PHF21A: variants seen among roughly 807,000 people sequenced by gnomAD.
PHF21A encodes the protein PHD finger protein 21A.
Under a neutral mutation model 82.5 loss-of-function variants are expected in PHF21A, and 11 were observed. That is an observed-to-expected ratio of 0.13 (90% confidence interval 0.08 to 0.22). The LOEUF (loss-of-function observed/expected upper bound fraction) is 0.22, where lower values mean the gene tolerates loss of function less well. Ranked by LOEUF, PHF21A falls within the 10% of genes least tolerant of loss-of-function variation. The pLI is 1.00. For missense variants in PHF21A, 579 were observed against 837.8 expected (o/e 0.69, Z 3.81); for synonymous variants, 297 against 302.8 (o/e 0.98, Z 0.20).
intron 6 of PHF21A, among the ~76,000 whole-genome samples, chr11:46,034,168 C>T (rs1197297793): frequency 6.6e-6 from 1 of 152,088 alleles, no homozygotes; most frequent in East Asian, 1.9e-4. Flanking sequence ...TATTCTGTAA[C>T]ATATACTAGT....
chr11:45,930,905 G>GCCCCCCCCCCCC lies in PHF21A; in HGVS notation c.*3062_*3063insGGGGGGGGGGGG, dbSNP rs61505607. On this transcript the variant is annotated 3_prime_UTR_variant, in exon 19 of 19. Coordinates refer to ENST00000676320, the MANE Select transcript of PHF21A (RefSeq NM_001352027.3). ...GAGCGTATGTCTCAGGTGGTCACAGGCCCCCCCCCCTCCCCGCCCAGGTCT... is the reference window on the plus strand; with the variant it reads ...GAGCGTATGTCTCAGGTGGTCACAGGCCCCCCCCCCCCCCCCCCCCCCTCCCCGCCCAGGTCT... The GCCCCCCCCCCCC allele has an allele frequency of 2.2e-5, 3 of 135,588 alleles. No homozygotes were observed. Among genetic ancestry groups the GCCCCCCCCCCCC allele is most frequent in the Non-Finnish European group, 4.7e-5 (3 of 64,184 alleles). The allele number at this position is 135,588 out of a possible 1,614,324, so 8.4% of individuals were successfully genotyped here. A position where few individuals can be genotyped will look rare whatever the true frequency, so the allele number is the denominator to read the frequency against.
chr11:45,960,759 A>G (rs188917045), intron 10 of PHF21A, among the ~76,000 whole-genome samples: 72 of 152,374 alleles, frequency 4.7e-4, no homozygotes, highest in South Asian at 1.7e-3. Flanking sequence ...CGATGAATCT[A>G]AAGTTTGGTC....
At chr11:46,084,804 A>C (rs1592999491) in intron 3 of PHF21A, among the ~76,000 whole-genome samples, 4 of 151,724 alleles carry the variant, frequency 2.6e-5, no homozygotes, top group Middle Eastern at 3.4e-3. Context: ...CTCAGCCTCC[A>C]GAGTAGCTGG....
chr11:46,015,135 G>A (rs1329573049), intron 6 of PHF21A, among the ~76,000 whole-genome samples: 1 of 152,106 alleles, frequency 6.6e-6, no homozygotes, highest in Non-Finnish European at 1.5e-5. Context: ...TTGACTGCTT[G>A]TATGTCTCCC....
intron 6 of PHF21A, among the ~76,000 whole-genome samples, chr11:45,996,555 T>G (rs1371480162): frequency 2.0e-5 from 3 of 152,224 alleles, no homozygotes; most frequent in Admixed American, 2.0e-4. Context: ...TGCATTCTCC[T>G]GGAGTTTTTA....
At chr11:45,981,241 C>T (rs1328149852) in intron 6 of PHF21A, among the ~76,000 whole-genome samples, 1 of 151,716 alleles carries the variant, frequency 6.6e-6, no homozygotes, top group East Asian at 1.9e-4. Context: ...CAAAAATTAG[C>T]CAAGCATGGT....
intron 14 of PHF21A, among the ~76,000 whole-genome samples, chr11:45,946,903 A>AT (rs2091384668): frequency 6.6e-6 from 1 of 152,216 alleles, no homozygotes; most frequent in African/African-American, 2.4e-5. Flanking sequence ...ATTGAGAGGC[A>AT]TGTTCTGGGA....
chr11:46,056,258 A>G (rs2096455511), intron 6 of PHF21A, among the ~76,000 whole-genome samples: 1 of 152,158 alleles, frequency 6.6e-6, no homozygotes, highest in South Asian at 2.1e-4. Flanking sequence ...AAGAGAGTCA[A>G]TAATTCCAAT....
At position 45,930,483 on chromosome 11, in the gene PHF21A, T is replaced by C. The variant is rs759948570; in HGVS notation, c.*3485A>G. ...AGCAGGCTTACCCCAAAGGGCCTGA[T>C]AAGGAAGGAAGAAATCAAAACCCCA... On this transcript the variant is annotated 3_prime_UTR_variant, in exon 19 of 19. Transcript: ENST00000676320. The C allele has an allele frequency of 1.3e-5, 2 of 152,232 alleles. No homozygotes were observed. The highest frequency in any genetic ancestry group is 2.9e-5 in the Non-Finnish European group (2 of 68,160). 9.4% of individuals were successfully genotyped at this position (152,232 alleles called of 1,614,324 possible). A position where few individuals can be genotyped will look rare whatever the true frequency, so the allele number is the denominator to read the frequency against.
intron 6 of PHF21A, among the ~76,000 whole-genome samples, chr11:46,050,450 G>C (rs1475746675): frequency 6.6e-6 from 1 of 152,170 alleles, no homozygotes; most frequent in African/African-American, 2.4e-5. Context: ...GCCCATGCAG[G>C]GAGGCAAATT....
intron 7 of PHF21A, among the ~76,000 whole-genome samples, chr11:45,978,570 A>C (rs986116794): frequency 6.6e-6 from 1 of 152,218 alleles, no homozygotes; most frequent in Non-Finnish European, 1.5e-5. Context: ...CTCTATATAA[A>C]GACACAGTGA....
chr11:45,993,551 T>A (rs1246230332), intron 6 of PHF21A, among the ~76,000 whole-genome samples: 1 of 151,844 alleles, frequency 6.6e-6, no homozygotes, highest in Admixed American at 6.6e-5. Context: ...AACAAAAAGC[T>A]GGAGCTCATT....
chr11:45,960,560 T>C (rs2093010971), intron 10 of PHF21A, among the ~76,000 whole-genome samples: 1 of 152,230 alleles, frequency 6.6e-6, no homozygotes, highest in African/African-American at 2.4e-5. Flanking sequence ...AATTGCTTAA[T>C]GGATACTGGG....
intron 6 of PHF21A, among the ~76,000 whole-genome samples, chr11:46,050,917 C>A (rs965871210): frequency 6.6e-6 from 1 of 152,076 alleles, no homozygotes; most frequent in African/African-American, 2.4e-5. Flanking sequence ...AGTTAATCTG[C>A]TTGTATGCTA....
chr11:46,065,070 A>T lies in PHF21A; in HGVS notation c.153+11684T>A, dbSNP rs143319716. Among the ~76,000 whole-genome samples the T allele has an allele frequency of 5.7e-3, 865 of 152,338 alleles. 6 individuals carry two copies. Among genetic ancestry groups the T allele is most frequent in the Middle Eastern group, 0.031 (9 of 294 alleles). On this transcript the variant is annotated intron_variant, in intron 6 of 18. Coordinates refer to ENST00000676320, the MANE Select transcript of PHF21A (RefSeq NM_001352027.3). Reference sequence around the variant, plus strand: ...ATTAGTAGAGGAAAGTGTTATAGAGACAGACATTGTTAACTTTCTTGAATA... The same window carrying T: ...ATTAGTAGAGGAAAGTGTTATAGAGTCAGACATTGTTAACTTTCTTGAATA...
intron 6 of PHF21A, among the ~76,000 whole-genome samples, chr11:45,981,922 TTCTC>T (rs906141863): frequency 5.3e-5 from 8 of 150,986 alleles, no homozygotes; most frequent in Non-Finnish European, 1.0e-4. Flanking sequence ...TTTGGTTTGT[TTCTC>T]TCTTTTTGTT....
chr11:45,989,897 G>A (rs889505981), intron 6 of PHF21A, among the ~76,000 whole-genome samples: 2 of 151,088 alleles, frequency 1.3e-5, no homozygotes, highest in Admixed American at 1.3e-4. Context: ...TACTCAGGAG[G>A]CTGAGGCTGG....
chr11:45,936,798 TAGA>T (rs1209937501), intron 16 of PHF21A: 1 of 490,828 alleles, frequency 2.0e-6, no homozygotes, highest in Non-Finnish European at 3.6e-6. Flanking sequence ...AGCCCAGGCT[TAGA>T]AGGAGCTGGG....
chr11:46,089,429 C>T (rs991210815), intron 3 of PHF21A, among the ~76,000 whole-genome samples: 40 of 151,958 alleles, frequency 2.6e-4, no homozygotes, highest in Non-Finnish European at 4.7e-4. Context: ...CAAATGACAA[C>T]ATTAAAAAAC....
Sources: gnomAD v4.1 joint callset for allele counts (sites outside exome capture counted in the v4.1 genomes callset) on GRCh38, gnomAD v4.1.1 for gene constraint, MANE v1.5 for transcripts, NCBI Gene and HGNC (gene_info 2026-07-23, HGNC 2026-07-21) for gene names.